The following IGF1R variants were observed in gnomAD, a reference collection of about 807,000 sequenced individuals.
IGF1R encodes insulin-like growth factor 1 receptor.
In IGF1R, 44 loss-of-function variants were observed where a neutral mutation model predicts 144.6. The observed-to-expected ratio is 0.30, with a 90% confidence interval of 0.24 to 0.39. The LOEUF (loss-of-function observed/expected upper bound fraction) is 0.39. Among genes scored for constraint, IGF1R ranks in the 10% least tolerant of loss-of-function variants. The probability of loss-of-function intolerance (pLI) is 1.00; values close to 1 mark genes in which losing one functional copy is unlikely to be tolerated. For missense variants in IGF1R, 1,355 were observed against 1,833.7 expected (o/e 0.74, Z 4.77); for synonymous variants, 795 against 722.8 (o/e 1.10, Z -1.60).
At chr15:98,682,628 G>T (rs1211030234) in intron 1 of IGF1R, among the ~76,000 whole-genome samples, 1 of 151,936 alleles carries the variant, frequency 6.6e-6, no homozygotes, top group Non-Finnish European at 1.5e-5. Flanking sequence ...GCTCACTGCA[G>T]CCTCTGCCTT....
rs376570312 is a variant in IGF1R, at chr15:98,846,272, A to C, written c.641-45053A>C. On this transcript the variant is annotated intron_variant, in intron 2 of 20. Transcript: ENST00000650285. ...TACCGTGGTGTTGAGCAGTTTTAAC[A>C]TCCTCCGTGCCTCTGTGCTTCTGCT... Among the ~76,000 whole-genome samples the C allele has an allele frequency of 3.3e-4, 50 of 152,348 alleles. No homozygotes were observed. The South Asian group carries it at 8.7e-3, about 27-fold the overall frequency.
At chr15:98,948,469 A>G (rs1282448627) in intron 19 of IGF1R, 105 bp from the exon 20 acceptor site, 1 of 1,213,144 alleles carries the variant, frequency 8.2e-7, no homozygotes, top group Non-Finnish European at 1.2e-6. Context: ...TCACCATAGT[A>G]AGGACAGTTT....
At chr15:98,680,488 A>C (rs1266512975) in intron 1 of IGF1R, among the ~76,000 whole-genome samples, 1 of 151,652 alleles carries the variant, frequency 6.6e-6, no homozygotes, top group Admixed American at 6.6e-5. Context: ...GGATGGTCTC[A>C]ATCTCCTGAC....
chr15:98,858,395 A>C (rs969328017), intron 2 of IGF1R, among the ~76,000 whole-genome samples: 1 of 152,180 alleles, frequency 6.6e-6, no homozygotes, highest in African/African-American at 2.4e-5. Context: ...CAGTCCTGTG[A>C]TGTATTGGGA....
intron 1 of IGF1R, among the ~76,000 whole-genome samples, chr15:98,701,307 T>G (rs2053725556): frequency 6.7e-6 from 1 of 148,520 alleles, no homozygotes; most frequent in Non-Finnish European, 1.5e-5. Flanking sequence ...TTTCCAACTA[T>G]AAGCTAAGCC....
intron 2 of IGF1R, among the ~76,000 whole-genome samples, chr15:98,823,092 C>G (rs923881803): frequency 6.6e-6 from 1 of 152,194 alleles, no homozygotes. Flanking sequence ...GAAAGTCATA[C>G]ACCATTGTGG....
At position 98,962,281 on chromosome 15, in the gene IGF1R, C is replaced by T. The variant is rs1567229066; in HGVS notation, c.*4839C>T. Reference sequence around the variant, plus strand: ...CGCCGTGGTATGCCTTGGCCCATTCCAGCAGTCCCAGTTATGCATTTCAAG... The same window carrying T: ...CGCCGTGGTATGCCTTGGCCCATTCTAGCAGTCCCAGTTATGCATTTCAAG... On this transcript the variant is annotated 3_prime_UTR_variant, in exon 21 of 21. Transcript: ENST00000650285. 8 of 233,332 alleles carry T rather than the reference C, an allele frequency of 3.4e-5. No homozygotes were observed. In the South Asian group the frequency reaches 1.4e-3, roughly 42 times the overall value. 14.5% of individuals were successfully genotyped at this position (233,332 alleles called of 1,614,324 possible). A position where few individuals can be genotyped will look rare whatever the true frequency, so the allele number is the denominator to read the frequency against.
chr15:98,713,160 A>C (rs1210455415), intron 2 of IGF1R, among the ~76,000 whole-genome samples: 4 of 151,866 alleles, frequency 2.6e-5, no homozygotes, highest in African/African-American at 9.7e-5. Flanking sequence ...CCTCTCAAGG[A>C]TGTAAAGGCT....
chr15:98,687,599 C>G (rs1215665146), intron 1 of IGF1R, among the ~76,000 whole-genome samples: 1 of 152,106 alleles, frequency 6.6e-6, no homozygotes, highest in Non-Finnish European at 1.5e-5. Context: ...TTTGGAAAGT[C>G]CGCCTTGGTA....
intron 1 of IGF1R, among the ~76,000 whole-genome samples, chr15:98,655,016 C>T (rs2052452066): frequency 6.6e-6 from 1 of 152,096 alleles, no homozygotes; most frequent in African/African-American, 2.4e-5. Flanking sequence ...GACATTGAGA[C>T]CTGTTGACAT....
chr15:98,732,440 G>A (rs139716066), intron 2 of IGF1R, among the ~76,000 whole-genome samples: 115 of 152,320 alleles, frequency 7.5e-4, no homozygotes, highest in Non-Finnish European at 1.5e-3. Flanking sequence ...AGGCAGTGAC[G>A]GTGAAGCAGG....
At chr15:98,653,299 C>T (rs1178334495) in intron 1 of IGF1R, among the ~76,000 whole-genome samples, 7 of 152,132 alleles carry the variant, frequency 4.6e-5, no homozygotes, top group Admixed American at 4.6e-4. Flanking sequence ...AGTTTAGGAG[C>T]TGAGTCTGAA....
At chr15:98,898,845 C>T (rs574240925) in intron 4 of IGF1R, among the ~76,000 whole-genome samples, 1 of 151,342 alleles carries the variant, frequency 6.6e-6, no homozygotes, top group Non-Finnish European at 1.5e-5. Context: ...TCTTTATTAG[C>T]AACTATTTTT....
rs1465176250 is a variant in IGF1R, at chr15:98,797,364, C to T, written c.640+89257C>T. ...TCAGGGGGAAGGTAAACCTGATGCCCGGGTGTTTGGACAGTGAGCATGGCG... is the reference window on the plus strand; with the variant it reads ...TCAGGGGGAAGGTAAACCTGATGCCTGGGTGTTTGGACAGTGAGCATGGCG... On this transcript the variant is annotated intron_variant, in intron 2 of 20. Coordinates refer to ENST00000650285, the MANE Select transcript of IGF1R (RefSeq NM_000875.5). Among the ~76,000 whole-genome samples, 5 of 152,290 alleles carry T rather than the reference C, an allele frequency of 3.3e-5. No individual in the cohort carries two copies. The East Asian group carries it at 7.7e-4, about 23-fold the overall frequency.
chr15:98,653,126 C>A (rs1310280197), intron 1 of IGF1R, among the ~76,000 whole-genome samples: 2 of 152,012 alleles, frequency 1.3e-5, no homozygotes, highest in Non-Finnish European at 2.9e-5. Context: ...GGATTCAATC[C>A]CGCAGTAGAA....
At position 98,908,746 on chromosome 15, in the gene IGF1R, C is replaced by G. The variant is rs374465368; in HGVS notation, c.1309C>G (p.Arg437Gly). The change falls in exon 6 of 21, where the codon CGC becomes GGC. Residue 437 changes from arginine (R) to glycine (G), a missense_variant. Physicochemically the swap from Arg to Gly is moderately radical, Grantham distance 125 (BLOSUM62 -2). Transcript: ENST00000650285. ...NLQQLWDWDH[R>G]NLTIKAGKMY... is the part of the protein sequence containing the mutation. ...GCAGCAACTGTGGGACTGGGACCAC[C>G]GCAACCTGACCATCAAAGCAGGGAA... is the stretch of plus-strand genomic sequence containing the variant. 1.2e-6 allele frequency: 2 copies of G among 1,613,968 alleles called. No homozygotes were observed. Among genetic ancestry groups the G allele is most frequent in the African/African-American group, 1.3e-5 (1 of 74,904 alleles).
intron 2 of IGF1R, among the ~76,000 whole-genome samples, chr15:98,717,330 C>G (rs552500104): frequency 1.2e-5 from 1 of 80,836 alleles, no homozygotes; most frequent in Admixed American, 1.1e-4. Context: ...GTGGCAGCTG[C>G]TGCTATTTTT....
chr15:98,869,478 A>G (rs930381354), intron 2 of IGF1R, among the ~76,000 whole-genome samples: 16 of 140,018 alleles, frequency 1.1e-4, no homozygotes, highest in Non-Finnish European at 2.3e-4. Context: ...CTTGTTGCCC[A>G]GGCTGGAGTG....
intron 1 of IGF1R, among the ~76,000 whole-genome samples, chr15:98,666,711 AAT>A (rs1289959763): frequency 1.3e-5 from 2 of 152,056 alleles, no homozygotes; most frequent in Non-Finnish European, 2.9e-5. Context: ...CGGAAAGTAG[AAT>A]GGTGAGGGGC....
Sources: gnomAD v4.1 joint callset for allele counts (sites outside exome capture counted in the v4.1 genomes callset) on GRCh38, gnomAD v4.1.1 for gene constraint, MANE v1.5 for transcripts, NCBI Gene and HGNC (gene_info 2026-07-23, HGNC 2026-07-21) for gene names.